FAM83A: variants seen among roughly 807,000 people sequenced by gnomAD.
FAM83A encodes the protein scaffolding CK1 anchoring protein A.
A neutral mutation model predicts 24.4 loss-of-function variants in FAM83A; 21 were observed. The ratio of observed to expected loss-of-function variants is 0.86; its 90% CI spans 0.61 to 1.24. The LOEUF (loss-of-function observed/expected upper bound fraction) is 1.24, where lower values mean the gene tolerates loss of function less well. Ranked by LOEUF, FAM83A falls within the 50% of genes most tolerant of loss-of-function variation. FAM83A has a pLI of 0.00. For missense variants in FAM83A, 617 were observed against 579.8 expected (o/e 1.06, Z -0.66); for synonymous variants, 270 against 252.4 (o/e 1.07, Z -0.66).
At chr8:123,197,541 G>C (rs1824199351) in intron 3 of FAM83A, among the ~76,000 whole-genome samples, 1 of 152,174 alleles carries the variant, frequency 6.6e-6, no homozygotes, top group Non-Finnish European at 1.5e-5. Context: ...GGACAGGATG[G>C]ACCACAGTTG....
intron 1 of FAM83A, among the ~76,000 whole-genome samples, chr8:123,185,368 A>G (rs1425290081): frequency 6.6e-6 from 1 of 152,108 alleles, no homozygotes; most frequent in Non-Finnish European, 1.5e-5. Flanking sequence ...AAGGGTGAGG[A>G]AGGATCCCTG....
At chr8:123,179,516 A>G (rs1162616340), upstream of FAM83A, 1 of 152,220 alleles carries the variant, frequency 6.6e-6, no homozygotes, top group African/African-American at 2.4e-5. Context: ...TAAATGGACT[A>G]AGATAATCCC....
intron 3 of FAM83A, among the ~76,000 whole-genome samples, chr8:123,196,601 C>T (rs1432455946): frequency 6.6e-6 from 1 of 152,064 alleles, no homozygotes; most frequent in Non-Finnish European, 1.5e-5. Context: ...ACACATTTTC[C>T]AAACAAAGTC....
chr8:123,209,183 G>GT lies in FAM83A; in HGVS notation c.*1500dup, dbSNP rs528326735. 3.7e-3 allele frequency: 4,197 copies of GT among 1,139,772 alleles called. 9 individuals are homozygous for GT. The highest frequency in any genetic ancestry group is 4.2e-3 in the Non-Finnish European group (3,927 of 932,540). 70.6% of individuals were successfully genotyped at this position (1,139,772 alleles called of 1,614,324 possible). On this transcript the variant is annotated 3_prime_UTR_variant, in exon 4 of 4. Coordinates refer to ENST00000690554, the Ensembl canonical transcript of FAM83A. The surrounding 1 kb of genome is among the most constrained non-coding windows in gnomAD (Gnocchi z 4.7). Reference sequence around the variant, plus strand: ...TTCTAGGCCCTCTCCTCCCTTGTCGGTTTTTGGCGGGGAAGCTCAGCCTTC... The same window carrying GT: ...TTCTAGGCCCTCTCCTCCCTTGTCGGTTTTTTGGCGGGGAAGCTCAGCCTTC...
intron 3 of FAM83A, among the ~76,000 whole-genome samples, chr8:123,197,825 A>G (rs1824211543): frequency 6.6e-6 from 1 of 152,208 alleles, no homozygotes; most frequent in Non-Finnish European, 1.5e-5. Context: ...CCCAAAGCAC[A>G]TGATACACTT....
At chr8:123,207,886 T>C (rs915496045) in exon 4 of FAM83A, 5 of 1,375,484 alleles carry the variant, frequency 3.6e-6, no homozygotes, top group African/African-American at 1.5e-5. Flanking sequence ...CCGCTCTAGT[T>C]TGACCTGTGC....
chr8:123,209,029 G>A lies in FAM83A; in HGVS notation c.*1341G>A. On this transcript the variant is annotated 3_prime_UTR_variant, in exon 4 of 4. Coordinates refer to ENST00000690554, the Ensembl canonical transcript of FAM83A. The surrounding 1 kb of genome is among the most constrained non-coding windows in gnomAD (Gnocchi z 4.7). ...TGGCCAGCCCTGTGGTGGGTGGGAT[G>A]TCAGAGACACTTCCCAGATAAAGTA... The A allele has an allele frequency of 1.0e-6, 1 of 989,726 alleles. No individual in the cohort carries two copies. Among genetic ancestry groups the A allele is most frequent in the Non-Finnish European group, 1.2e-6 (1 of 832,992 alleles). 61.3% of individuals were successfully genotyped at this position (989,726 alleles called of 1,614,324 possible).
intron 2 of FAM83A, among the ~76,000 whole-genome samples, chr8:123,193,518 A>G (rs1824047074): frequency 6.6e-6 from 1 of 152,208 alleles, no homozygotes; most frequent in Non-Finnish European, 1.5e-5. Flanking sequence ...CAGGGAAAAT[A>G]TTAATATGGT....
exon 4 of FAM83A, chr8:123,208,480 G>T: frequency 1.0e-6 from 1 of 985,440 alleles, no homozygotes; most frequent in Non-Finnish European, 1.2e-6. Flanking sequence ...TGGCCCCACT[G>T]CAGTGCCCAG....
In FAM83A at chr8:123,185,092, T is replaced by G. The variant is rs78588356; in HGVS notation, c.480+1756T>G. 2.7e-3 allele frequency among the ~76,000 whole-genome samples: 418 copies of G among 152,306 alleles called. 3 individuals are homozygous for G. The highest frequency in any genetic ancestry group is 9.8e-3 in the African/African-American group (409 of 41,566). On this transcript the variant is annotated intron_variant, in intron 1 of 3. Transcript: ENST00000690554. ...GCTGCTTGGAGCAGTATTTCATGTT[T>G]CTGTGGCAGGGCGGCATTTGAGGAT...
At chr8:123,179,203 C>A (rs1823537144), upstream of FAM83A, 1 of 152,268 alleles carries the variant, frequency 6.6e-6, no homozygotes, top group African/African-American at 2.4e-5. Context: ...GTGTTGGAAG[C>A]TTGATCCCCA....
rs536327689 is a variant in FAM83A, at chr8:123,208,976, A to AT, written c.*1288_*1289insT. 6.7e-4 allele frequency: 657 copies of AT among 986,336 alleles called. 3 individuals are homozygous for AT. In the African/African-American group the frequency reaches 8.8e-3, roughly 13 times the overall value. 61.1% of individuals were successfully genotyped at this position (986,336 alleles called of 1,614,324 possible). On this transcript the variant is annotated 3_prime_UTR_variant, in exon 4 of 4. Transcript: ENST00000690554. ...AAGACTCCGTCACAGAAAAAAAAAA[A>AT]AAAAAGAGAGAGAGCATAGAGGAGG...
exon 1 of FAM83A, chr8:123,182,984 T>C: frequency 6.2e-7 from 1 of 1,611,908 alleles, no homozygotes; most frequent in Non-Finnish European, 8.5e-7. Context: ...GACGCCCTCT[T>C]GGATGGGGGT....
chr8:123,200,757 C>T (rs1375702599), intron 3 of FAM83A, among the ~76,000 whole-genome samples: 1 of 152,100 alleles, frequency 6.6e-6, no homozygotes, highest in East Asian at 1.9e-4. Context: ...AGTTCGAGGC[C>T]AGCCTGGCCA....
chr8:123,191,995 AG>A, intron 2 of FAM83A, 25 bp downstream of exon 2: 1 of 1,612,532 alleles, frequency 6.2e-7, no homozygotes, highest in Non-Finnish European at 8.5e-7. Context: ...GAGAGTCCTA[AG>A]GGTACTCATA....
At chr8:123,183,254 C>T in exon 1 of FAM83A, 1 of 1,613,368 alleles carries the variant, frequency 6.2e-7, no homozygotes, top group Non-Finnish European at 8.5e-7. Context: ...AAGGAAAAAT[C>T]CAGCGCCACT....
At chr8:123,192,276 A>G (rs1466177428) in intron 2 of FAM83A, among the ~76,000 whole-genome samples, 1 of 152,028 alleles carries the variant, frequency 6.6e-6, no homozygotes, top group African/African-American at 2.4e-5. Flanking sequence ...CATTGACCTT[A>G]CCCAGATGCA....
chr8:123,193,445 C>A (rs1385759830), intron 2 of FAM83A, among the ~76,000 whole-genome samples: 4 of 152,042 alleles, frequency 2.6e-5, no homozygotes, highest in African/African-American at 9.7e-5. Context: ...AATTCTACCA[C>A]CTTCCTTTTT....
chr8:123,208,513 G>A (rs939353515), exon 4 of FAM83A: 48 of 985,424 alleles, frequency 4.9e-5, no homozygotes, highest in Non-Finnish European at 5.5e-5. Flanking sequence ...CAGCAGGGAG[G>A]GCTCAGCTGT....
Sources: allele counts gnomAD v4.1 joint callset (sites outside exome capture counted in the v4.1 genomes callset), GRCh38; gene constraint gnomAD v4.1.1; non-coding constraint Gnocchi (gnomAD v3.1); transcripts MANE v1.5; gene names NCBI Gene and HGNC (gene_info 2026-07-23, HGNC 2026-07-21).